The following GPHN variants were observed in gnomAD, a reference collection of about 807,000 sequenced individuals.
The protein encoded by GPHN is gephyrin.
In GPHN, 17 loss-of-function variants were observed where a neutral mutation model predicts 95.5. The ratio of observed to expected loss-of-function variants is 0.18; its 90% CI spans 0.12 to 0.27. The LOEUF (loss-of-function observed/expected upper bound fraction) is 0.27. Among genes scored for constraint, GPHN ranks in the 10% least tolerant of loss-of-function variants. The pLI, the probability that GPHN is intolerant of heterozygous loss-of-function variation, is 1.00. For synonymous variants in GPHN, 320 were observed against 322.5 expected, an observed-to-expected ratio of 0.99 and a Z score of 0.08; for missense variants, 660 against 978.1, an observed-to-expected ratio of 0.67 and a Z score of 4.34.
the GPHN span, among the ~76,000 whole-genome samples, chr14:67,192,554 G>T: frequency 6.6e-6 from 1 of 151,392 alleles, no homozygotes; most frequent in South Asian, 2.1e-4. Flanking sequence ...AGAGTGCAAG[G>T]AGCTTATCAG....
chr14:66,724,161 C>T (rs1028194303), intron 2 of GPHN, among the ~76,000 whole-genome samples: 1 of 152,090 alleles, frequency 6.6e-6, no homozygotes, highest in Non-Finnish European at 1.5e-5. Flanking sequence ...ATTTGTGATT[C>T]TGGCATATGG....
intron 17 of GPHN, among the ~76,000 whole-genome samples, chr14:67,129,940 C>G (rs2079595023): frequency 6.6e-6 from 1 of 152,012 alleles, no homozygotes; most frequent in African/African-American, 2.4e-5. Context: ...ACTATTTTAC[C>G]TCATCTAGAA....
At position 67,119,373 on chromosome 14, in the gene GPHN, C is replaced by T. The variant is rs746900506; in HGVS notation, c.1627-2883C>T. 3.3e-5 allele frequency among the ~76,000 whole-genome samples: 5 copies of T among 152,106 alleles called. No homozygotes were observed. In the East Asian group the frequency reaches 9.6e-4, roughly 29 times the overall value. Reference sequence around the variant, plus strand: ...AATTCAGACATAATGTAATGAATGTCTAGAATTGTTTTGGGAGGTAGTAAA... The same window carrying T: ...AATTCAGACATAATGTAATGAATGTTTAGAATTGTTTTGGGAGGTAGTAAA... On this transcript the variant is annotated intron_variant, in intron 16 of 22. Transcript: ENST00000478722.
At chr14:66,574,569 T>A (rs1294880756) in intron 1 of GPHN, among the ~76,000 whole-genome samples, 1 of 152,224 alleles carries the variant, frequency 6.6e-6, no homozygotes, top group Non-Finnish European at 1.5e-5. Context: ...GCATTTCTTG[T>A]AAGGTAGGTG....
At chr14:67,269,072 GTC>G in the GPHN span, among the ~76,000 whole-genome samples, 3 of 152,218 alleles carry the variant, frequency 2.0e-5, 1 homozygote, top group South Asian at 6.2e-4. Context: ...TCTACTTTTT[GTC>G]TCTCTATATT....
chr14:66,920,280 T>C lies in GPHN; in HGVS notation c.457-2386T>C, dbSNP rs558520649. 5.9e-5 allele frequency among the ~76,000 whole-genome samples: 9 copies of C among 152,252 alleles called. No individual in the cohort carries two copies. In the South Asian group the frequency reaches 1.9e-3, roughly 32 times the overall value. On this transcript the variant is annotated intron_variant, in intron 6 of 22. Transcript: ENST00000478722. The stretch of plus-strand genomic sequence containing the variant: ...AGAATTAAATGTGTGTATGTGAGTA[T>C]GTAAGTTTTCTCTTGGGGAGGAGGG...
chr14:67,566,760 A>T, the GPHN span, among the ~76,000 whole-genome samples: 1 of 151,882 alleles, frequency 6.6e-6, no homozygotes. Flanking sequence ...AAAAAAAAAA[A>T]AAAAAGAGTG....
At chr14:66,820,429 A>G (rs1270236000) in intron 3 of GPHN, among the ~76,000 whole-genome samples, 3 of 152,164 alleles carry the variant, frequency 2.0e-5, no homozygotes, top group African/African-American at 7.2e-5. Flanking sequence ...CAGTGCTAGA[A>G]TCTTTCTTCC....
At chr14:67,420,678 A>G in the GPHN span, among the ~76,000 whole-genome samples, 4 of 152,116 alleles carry the variant, frequency 2.6e-5, no homozygotes, top group Non-Finnish European at 4.4e-5. Flanking sequence ...GCAACATTTC[A>G]GGAGGGTAGA....
At chr14:67,049,753 C>T (rs1355304715) in intron 10 of GPHN, among the ~76,000 whole-genome samples, 2 of 152,144 alleles carry the variant, frequency 1.3e-5, no homozygotes, top group Non-Finnish European at 2.9e-5. Context: ...CCTCGTGATC[C>T]GCCCACCTCA....
At chr14:67,296,505 C>T in the GPHN span, among the ~76,000 whole-genome samples, 2 of 139,986 alleles carry the variant, frequency 1.4e-5, no homozygotes, top group Admixed American at 7.8e-5. Context: ...GGCATGAACC[C>T]GGGGAGGCAG....
chr14:66,941,168 C>T (rs978831461), intron 8 of GPHN, among the ~76,000 whole-genome samples: 1 of 151,786 alleles, frequency 6.6e-6, no homozygotes, highest in African/African-American at 2.4e-5. Flanking sequence ...ATGTAGGTTA[C>T]AACTTAAAAA....
intron 4 of GPHN, 71 bp from the exon 5 acceptor site, chr14:66,879,868 G>C: frequency 1.1e-6 from 1 of 924,522 alleles, no homozygotes; most frequent in Non-Finnish European, 1.8e-6. Flanking sequence ...TTTTTAAGTG[G>C]GTTTTACTAG....
intron 1 of GPHN, among the ~76,000 whole-genome samples, chr14:66,512,775 T>C (rs2319387): frequency 0.33 from 50,031 of 151,552 alleles, 12,184 homozygotes; most frequent in African/African-American, 0.66. Flanking sequence ...CAGATGCTAC[T>C]GTCATAACTC....
the GPHN span, among the ~76,000 whole-genome samples, chr14:67,507,252 A>C: frequency 6.6e-6 from 1 of 151,824 alleles, no homozygotes; most frequent in Admixed American, 6.6e-5. Context: ...GGGAGGCTGA[A>C]GTGGGAGGAT....
chr14:67,421,249 T>C, the GPHN span, among the ~76,000 whole-genome samples: 2 of 152,158 alleles, frequency 1.3e-5, no homozygotes, highest in African/African-American at 2.4e-5. Flanking sequence ...GTTGGAAGAC[T>C]CAACAAAGTT....
At chr14:67,727,670 C>T in the GPHN span, 7 of 205,342 alleles carry the variant, frequency 3.4e-5, no homozygotes, top group South Asian at 1.5e-4. Context: ...TTAGAAGAGA[C>T]GAGCTTTCAC....
chr14:67,312,676 C>G, the GPHN span: 20 of 1,610,592 alleles, frequency 1.2e-5, no homozygotes, highest in Middle Eastern at 1.6e-4. Flanking sequence ...GGGAAGGGGA[C>G]GAAGATAATC....
chr14:67,417,535 A>T, the GPHN span, among the ~76,000 whole-genome samples: 1 of 151,782 alleles, frequency 6.6e-6, no homozygotes, highest in Middle Eastern at 3.4e-3. Context: ...AGGTATAAGC[A>T]ATCCCCCTAC....
Sources: gnomAD v4.1 joint callset for allele counts (sites outside exome capture counted in the v4.1 genomes callset) on GRCh38, gnomAD v4.1.1 for gene constraint, MANE v1.5 for transcripts, NCBI Gene and HGNC (gene_info 2026-07-23, HGNC 2026-07-21) for gene names.